CCDC66: variants seen among roughly 807,000 people sequenced by gnomAD.
The protein encoded by CCDC66 is coiled-coil domain-containing protein 66.
CCDC66 carries 133 observed loss-of-function variants against 128.3 expected under a neutral mutation model. That is an observed-to-expected ratio of 1.04 (90% confidence interval 0.90 to 1.20). The LOEUF is 1.20. Ranked by LOEUF, CCDC66 falls within the 50% of genes most tolerant of loss-of-function variation. CCDC66 has a pLI of 0.00. For synonymous variants in CCDC66, 387 were observed against 357.0 expected (o/e 1.08, Z -0.95); for missense variants, 1,126 against 1,075.5 (o/e 1.05, Z -0.66).
chr3:56,564,478 G>C (rs967574080), intron 4 of CCDC66, among the ~76,000 whole-genome samples: 1 of 152,166 alleles, frequency 6.6e-6, no homozygotes, highest in African/African-American at 2.4e-5. Context: ...GGTATTTCCA[G>C]TGAAAATTAA....
chr3:56,606,465 A>G (rs902016168), intron 10 of CCDC66, among the ~76,000 whole-genome samples: 3 of 152,110 alleles, frequency 2.0e-5, no homozygotes, highest in Admixed American at 6.5e-5. Context: ...AAAGCACAGT[A>G]TCTGGGCCAG....
At chr3:56,595,042 T>C (rs1278470107) in intron 10 of CCDC66, among the ~76,000 whole-genome samples, 2 of 152,230 alleles carry the variant, frequency 1.3e-5, no homozygotes, top group Non-Finnish European at 1.5e-5. Flanking sequence ...ACTTCACTTA[T>C]ATAAATAATA....
chr3:56,620,588 A>ATGTT (rs1283735567), intron 17 of CCDC66: 4 of 152,120 alleles, frequency 2.6e-5, no homozygotes, highest in African/African-American at 7.3e-5. Flanking sequence ...GTTGACTCAG[A>ATGTT]TGTTTTTCCC....
At chr3:56,593,903 C>T in intron 9 of CCDC66, 41 bp from the exon 10 acceptor site, 2 of 1,601,300 alleles carry the variant, frequency 1.2e-6, no homozygotes, top group South Asian at 2.2e-5. Context: ...TTGAATCTAC[C>T]TTTTTGAGGT....
chr3:56,613,483 C>T, intron 10 of CCDC66, 106 bp from the exon 11 acceptor site: 1 of 1,321,254 alleles, frequency 7.6e-7, no homozygotes, highest in Non-Finnish European at 1.0e-6. Context: ...TTTGGTTCCC[C>T]TCTGTGGAAG....
In CCDC66 at chr3:56,613,543, T is replaced by C; in HGVS notation, c.1405-46T>C. 1.9e-6 allele frequency: 3 copies of C among 1,589,964 alleles called. No individual in the cohort carries two copies. The South Asian group carries it at 3.5e-5, about 18-fold the overall frequency. On this transcript the variant is annotated intron_variant, in intron 10 of 17. Coordinates refer to ENST00000394672, the MANE Select transcript of CCDC66 (RefSeq NM_001141947.3). ...CAGCCATCTTGAATTCCCTCCTGCTTAGATTTTTATTTTTGACAATGATTT... is the reference window on the plus strand; with the variant it reads ...CAGCCATCTTGAATTCCCTCCTGCTCAGATTTTTATTTTTGACAATGATTT...
chr3:56,618,086 A>G (rs1480596541), intron 14 of CCDC66, 86 bp from the exon 15 acceptor site: 18 of 1,043,510 alleles, frequency 1.7e-5, no homozygotes, highest in Non-Finnish European at 2.3e-5. Context: ...CCCTCAGACT[A>G]TTTCAACAAG....
At chr3:56,558,630 TG>T in intron 1 of CCDC66, 1 of 551,976 alleles carries the variant, frequency 1.8e-6, no homozygotes, top group Non-Finnish European at 3.2e-6. Context: ...TAACAATGCT[TG>T]TAGTATTGAA....
chr3:56,575,391 A>C (rs1577381111), intron 7 of CCDC66, among the ~76,000 whole-genome samples: 1 of 151,954 alleles, frequency 6.6e-6, no homozygotes, highest in Non-Finnish European at 1.5e-5. Context: ...CATGTATTTG[A>C]AGAAATGTCT....
intron 4 of CCDC66, 174 bp downstream of exon 4, chr3:56,564,299 A>T (rs2065497933): frequency 1.8e-6 from 1 of 551,418 alleles, no homozygotes; most frequent in South Asian, 3.1e-5. Context: ...TTATTTTTAT[A>T]GTTGTGCCAT....
At chr3:56,615,089 G>A (rs375700553) in intron 11 of CCDC66, 39 bp from the exon 12 acceptor site, 7 of 1,598,672 alleles carry the variant, frequency 4.4e-6, no homozygotes, top group African/African-American at 2.7e-5. Flanking sequence ...GTCTTTGTAT[G>A]TTTAATAGAT....
At position 56,615,228 on chromosome 3, in the gene CCDC66, C is replaced by T. The variant is rs61743979; in HGVS notation, c.1667C>T (p.Ala556Val). The change falls in exon 12 of 18, where the codon GCG becomes GTG. Residue 556 changes from alanine to valine, a missense_variant. Transcript: ENST00000394672. Reference sequence around the variant, plus strand: ...CAAGAACAAAGAATCCGAGAATTGGCGCAAAAGGGACATGACACTTCTAGA... The same window carrying T: ...CAAGAACAAAGAATCCGAGAATTGGTGCAAAAGGGACATGACACTTCTAGA... The part of the protein sequence containing the change: ...LKQEQRIREL[A>V]QKGHDTSRLI... 0.013 allele frequency: 20,946 copies of T among 1,613,476 alleles called. 149 individuals are homozygous for T. Among genetic ancestry groups the T allele is most frequent in the Middle Eastern group, 0.028 (170 of 6,060 alleles).
At chr3:56,611,261 G>A (rs927371594) in intron 10 of CCDC66, among the ~76,000 whole-genome samples, 3 of 152,004 alleles carry the variant, frequency 2.0e-5, no homozygotes, top group Admixed American at 6.5e-5. Flanking sequence ...TGTGGGGGAC[G>A]GGGATGAGAT....
rs148797614 is a variant in CCDC66 at position 56,572,530 on chromosome 3, G to A, written c.936+1228G>A. ...AGAATCTAAGTCCTCCTTATTTTTA[G>A]TTATCAGTTAATTTTTACTTGAGTG... On this transcript the variant is annotated intron_variant, in intron 7 of 17. Transcript: ENST00000394672. 1,202 of 393,196 alleles carry A rather than the reference G, an allele frequency of 3.1e-3. 11 individuals carry two copies. The highest frequency in any genetic ancestry group is 0.024 in the African/African-American group (1,099 of 46,346). The allele number at this position is 393,196 out of a possible 1,614,324, so 24.4% of individuals were successfully genotyped here.
At chr3:56,559,667 A>G (rs917177708) in intron 3 of CCDC66, 73 bp downstream of exon 3, 10 of 1,137,892 alleles carry the variant, frequency 8.8e-6, no homozygotes, top group Non-Finnish European at 1.1e-5. Flanking sequence ...GTTAGAAAAT[A>G]ATTCCTGGGA....
intron 6 of CCDC66, 90 bp from the exon 7 acceptor site, chr3:56,571,091 T>C: frequency 1.1e-6 from 1 of 900,044 alleles, no homozygotes; most frequent in South Asian, 1.8e-5. Flanking sequence ...TAGATCTGTG[T>C]TGGTATCTGC....
chr3:56,617,910 A>G, intron 14 of CCDC66: 1 of 568,834 alleles, frequency 1.8e-6, no homozygotes, highest in South Asian at 2.3e-5. Flanking sequence ...CACTTACACA[A>G]CTTCTGTAGA....
In CCDC66 at chr3:56,617,326, A is replaced by C. The variant is rs372624658; in HGVS notation, c.2058A>C (p.Arg686Ser). 1.9e-6 allele frequency: 3 copies of C among 1,612,626 alleles called. No homozygotes were observed. Among genetic ancestry groups the C allele is most frequent in the Non-Finnish European group, 2.5e-6 (3 of 1,179,736 alleles). The change falls in exon 14 of 18, where the codon AGA becomes AGC. Residue 686 changes from arginine to serine, a missense_variant. Arg to Ser is a moderately radical substitution (Grantham distance 110). Transcript: ENST00000394672. ...ATGACCAGTGTAATCAGTTCACAAG[A>C]ATAGAGAAACAAACAAAACACATGA... The part of the protein sequence containing the change: ...RCNDQCNQFT[R>S]IEKQTKHMKK...
chr3:56,603,490 T>C (rs1455530264), intron 10 of CCDC66, among the ~76,000 whole-genome samples: 1 of 152,062 alleles, frequency 6.6e-6, no homozygotes, highest in African/African-American at 2.4e-5. Flanking sequence ...GTTGTCTCTT[T>C]GTTCTCATTG....
Sources: gnomAD v4.1 joint callset for allele counts (sites outside exome capture counted in the v4.1 genomes callset) on GRCh38, gnomAD v4.1.1 for gene constraint, MANE v1.5 for transcripts, NCBI Gene and HGNC (gene_info 2026-07-23, HGNC 2026-07-21) for gene names.